The following TAF12 variants were observed in gnomAD, a reference collection of about 807,000 sequenced individuals.
The protein encoded by TAF12 is TATA-box binding protein associated factor 12.
In TAF12, 3 loss-of-function variants were observed where a neutral mutation model predicts 20.8. The observed-to-expected ratio is 0.14, with a 90% CI of 0.07 to 0.37. The LOEUF (loss-of-function observed/expected upper bound fraction) is 0.37. Ranked by LOEUF, TAF12 falls within the 10% of genes least tolerant of loss-of-function variation. TAF12 has a pLI of 1.00. For synonymous variants in TAF12, 69 were observed against 70.2 expected (o/e 0.98, Z 0.09); for missense variants, 131 against 197.9 (o/e 0.66, Z 2.03).
intron 2 of TAF12, among the ~76,000 whole-genome samples, chr1:28,620,541 T>C (rs1667187321): frequency 6.6e-6 from 1 of 152,090 alleles, no homozygotes; most frequent in Admixed American, 6.6e-5. Context: ...GTTCACGCCA[T>C]TCTCCTGCCT....
chr1:28,618,515 G>A (rs373072206), intron 2 of TAF12, among the ~76,000 whole-genome samples: 96 of 150,824 alleles, frequency 6.4e-4, no homozygotes, highest in African/African-American at 2.2e-3. Context: ...CCATAGGCAC[G>A]TGCCATCATA....
chr1:28,628,757 AATATTTTGTT>A (rs1667523229), intron 1 of TAF12, among the ~76,000 whole-genome samples: 1 of 152,132 alleles, frequency 6.6e-6, no homozygotes, highest in South Asian at 2.1e-4. Context: ...AGAATGGGAG[AATATTTTGTT>A]ATTGTTTATT....
At chr1:28,606,401 A>C (rs370207211) in intron 4 of TAF12, among the ~76,000 whole-genome samples, 1 of 151,858 alleles carries the variant, frequency 6.6e-6, no homozygotes. Context: ...AGCCTCCCGA[A>C]GTGCTGGGAT....
At chr1:28,608,648 G>A (rs183098885) in intron 4 of TAF12, among the ~76,000 whole-genome samples, 57 of 151,076 alleles carry the variant, frequency 3.8e-4, no homozygotes, top group Admixed American at 1.3e-3. Flanking sequence ...CCAGCTAATC[G>A]GGAGGCTGAA....
At chr1:28,629,920 G>C (rs1026341915) in intron 1 of TAF12, among the ~76,000 whole-genome samples, 2 of 151,302 alleles carry the variant, frequency 1.3e-5, no homozygotes, top group Admixed American at 1.3e-4. Context: ...GGTTATATGT[G>C]CAAGGCACCG....
At chr1:28,605,218 G>T in intron 5 of TAF12, 154 bp downstream of exon 5, 1 of 679,174 alleles carries the variant, frequency 1.5e-6, no homozygotes, top group Non-Finnish European at 2.5e-6. Flanking sequence ...GGAGACCGCT[G>T]CTGCCTCTTG....
intron 4 of TAF12, among the ~76,000 whole-genome samples, chr1:28,612,233 A>G (rs1666883284): frequency 6.6e-6 from 1 of 151,952 alleles, no homozygotes; most frequent in Non-Finnish European, 1.5e-5. Flanking sequence ...GTGGATCAAC[A>G]GAGGCCAGGA....
At chr1:28,635,849 AGAG>A (rs1466839986) in intron 1 of TAF12, among the ~76,000 whole-genome samples, 1 of 152,036 alleles carries the variant, frequency 6.6e-6, no homozygotes, top group African/African-American at 2.4e-5. Flanking sequence ...ACAAAGGTGA[AGAG>A]AAAGGGGAAC....
At position 28,605,450 on chromosome 1, in the gene TAF12, C is replaced by A; in HGVS notation, c.372G>T (p.Trp124Cys). 1 of 1,614,010 alleles carries A rather than the reference C, an allele frequency of 6.2e-7. No individual in the cohort carries two copies. The highest frequency in any genetic ancestry group is 8.5e-7 in the Non-Finnish European group (1 of 1,179,994). ...AGCCAAATCCTGGGATCCACATGTTCCACTGGCGCTCTGCAAGGAAGAAGC... is the reference window on the plus strand; with the variant it reads ...AGCCAAATCCTGGGATCCACATGTTACACTGGCGCTCTGCAAGGAAGAAGC... ...KDVQLHLERQ[W>C]NMWIPGFGSE... Residue 124 changes from tryptophan to cysteine, a missense_variant, in exon 5 of 6, where the codon TGG becomes TGT. Trp to Cys is a radical substitution (Grantham distance 215). This residue lies in a region of TAF12 where 60 missense variants were observed against 90.2 expected (regional missense o/e 0.66). Coordinates refer to ENST00000373824, the MANE Select transcript of TAF12 (RefSeq NM_005644.4).
At chr1:28,625,256 T>C (rs935952105) in intron 1 of TAF12, among the ~76,000 whole-genome samples, 1 of 152,200 alleles carries the variant, frequency 6.6e-6, no homozygotes, top group Non-Finnish European at 1.5e-5. Flanking sequence ...TCTAGAGACA[T>C]ATCTGGGTGT....
chr1:28,637,293 G>A (rs1277051242), intron 1 of TAF12, among the ~76,000 whole-genome samples: 4 of 151,838 alleles, frequency 2.6e-5, no homozygotes, highest in South Asian at 2.1e-4. Context: ...AGGCTCGAGC[G>A]CAGTGGCACG....
chr1:28,623,959 T>C (rs1667302053), intron 1 of TAF12: 17 of 985,816 alleles, frequency 1.7e-5, no homozygotes, highest in South Asian at 4.7e-5. Context: ...TATCTGAGTG[T>C]CTAGATCTTT....
At chr1:28,635,027 A>G (rs1667768534) in intron 1 of TAF12, among the ~76,000 whole-genome samples, 1 of 151,480 alleles carries the variant, frequency 6.6e-6, no homozygotes, top group Non-Finnish European at 1.5e-5. Context: ...GATCGAGACC[A>G]TCCTGGCTAA....
intron 3 of TAF12, 94 bp from the exon 4 acceptor site, chr1:28,613,455 G>C: frequency 9.7e-7 from 1 of 1,033,424 alleles, no homozygotes; most frequent in East Asian, 2.6e-5. Flanking sequence ...TGCATATTTA[G>C]TCAGGCATTC....
rs533510264 is a variant in TAF12, at chr1:28,624,756, TA to T, written c.-84-2592del. On this transcript the variant is annotated intron_variant, in intron 1 of 5. Coordinates refer to ENST00000373824, the MANE Select transcript of TAF12 (RefSeq NM_005644.4). Reference sequence around the variant, plus strand: ...AGCGAGACTCTGTCTCAAAAAAAAATAAAAATAAAAAAATAAATAATAATAA... The same window carrying T: ...AGCGAGACTCTGTCTCAAAAAAAAATAAAATAAAAAAATAAATAATAATAA... Among the ~76,000 whole-genome samples, 28 of 146,730 alleles carry T rather than the reference TA, an allele frequency of 1.9e-4. 1 individual carries two copies. The East Asian group carries it at 5.5e-3, about 29-fold the overall frequency.
At chr1:28,631,758 C>T (rs1432981712) in intron 1 of TAF12, among the ~76,000 whole-genome samples, 7 of 152,222 alleles carry the variant, frequency 4.6e-5, no homozygotes. Context: ...TGCTCAATAT[C>T]ATTTGTCACC....
intron 1 of TAF12, among the ~76,000 whole-genome samples, chr1:28,640,350 T>C (rs1667991318): frequency 6.6e-6 from 1 of 152,200 alleles, no homozygotes; most frequent in East Asian, 1.9e-4. Context: ...GAGGAGATGC[T>C]TTCATTCAAT....
Position 28,615,786 on chromosome 1 carries a change from G to A in TAF12, c.246+2167C>T, listed in dbSNP as rs543168913. On this transcript the variant is annotated intron_variant, in intron 3 of 5. Coordinates refer to ENST00000373824, the MANE Select transcript of TAF12 (RefSeq NM_005644.4). ...AGATATTGAATGATTCCAGAGAAAA[G>A]ACTTACAGATACTGACATTTAGGGA... Among the ~76,000 whole-genome samples, 6 of 139,164 alleles carry A rather than the reference G, an allele frequency of 4.3e-5. No individual in the cohort carries two copies. The South Asian group carries it at 1.5e-3, about 34-fold the overall frequency. The allele number at this position is 139,164 out of a possible 152,430, so 91.3% of individuals were successfully genotyped here. A position where few individuals can be genotyped will look rare whatever the true frequency, so the allele number is the denominator to read the frequency against.
chr1:28,636,525 T>C (rs1489632856), intron 1 of TAF12, among the ~76,000 whole-genome samples: 1 of 150,306 alleles, frequency 6.7e-6, no homozygotes, highest in Non-Finnish European at 1.5e-5. Flanking sequence ...GCTTGGTGGC[T>C]CACACCTATA....
Sources: gnomAD v4.1 joint callset for allele counts (sites outside exome capture counted in the v4.1 genomes callset) on GRCh38, gnomAD v4.1.1 for gene constraint, gnomAD v4.1.1 regional missense constraint, MANE v1.5 for transcripts, NCBI Gene and HGNC (gene_info 2026-07-23, HGNC 2026-07-21) for gene names.